The following APBA1 variants were observed in gnomAD, a reference collection of about 807,000 sequenced individuals.
APBA1 encodes amyloid beta precursor protein binding family A member 1.
Under a neutral mutation model 86.6 loss-of-function variants are expected in APBA1, and 55 were observed. The observed-to-expected ratio is 0.64, with a 90% CI of 0.51 to 0.80. The LOEUF is 0.80. Among genes scored for constraint, APBA1 ranks in the 30% least tolerant of loss-of-function variants. The probability of loss-of-function intolerance (pLI) is 0.00; values close to 1 mark genes in which losing one functional copy is unlikely to be tolerated. For missense variants in APBA1, 1,090 were observed against 1,183.0 expected (o/e 0.92, Z 1.15); for synonymous variants, 511 against 493.9 (o/e 1.03, Z -0.46).
In APBA1 at chr9:69,516,270, G is replaced by A; in HGVS notation, c.941C>T (p.Pro314Leu). The A allele has an allele frequency of 6.9e-7, 1 of 1,446,706 alleles. No homozygotes were observed. The highest frequency in any genetic ancestry group is 1.4e-5 in the South Asian group (1 of 71,490). The allele number at this position is 1,446,706 out of a possible 1,614,324, so 89.6% of individuals were successfully genotyped here. Residue 314 changes from proline (P) to leucine (L), a missense_variant, in exon 2 of 13, where the codon CCC becomes CTC. Around this residue, in one of 6 missense-constraint regions of APBA1, gnomAD observed 678 missense variants for 647.1 expected, o/e 1.05. Transcript: ENST00000265381. This position sits in a 1 kb window ranked among gnomAD's most constrained non-coding sequence, Gnocchi z 7.3. The part of the protein sequence containing the change: ...PTPAGGRPDS[P>L]GLQAPAGQQR... ...CTGCCCCGCCGGCGCCTGCAGCCCG[G>A]GGCTGTCGGGGCGACCCCCGGCCGG... is the stretch of plus-strand genomic sequence containing the variant.
chr9:69,570,245 G>T (rs1837094810), intron 1 of APBA1, among the ~76,000 whole-genome samples: 1 of 152,212 alleles, frequency 6.6e-6, no homozygotes, highest in Admixed American at 6.5e-5. Context: ...GTGATGACAT[G>T]CATGAGAGTG....
chr9:69,609,823 G>C (rs1822548558), intron 1 of APBA1, among the ~76,000 whole-genome samples: 2 of 152,080 alleles, frequency 1.3e-5, no homozygotes, highest in South Asian at 4.2e-4. Flanking sequence ...GTTTGAGACA[G>C]GGTCTCCCTC....
intron 1 of APBA1, among the ~76,000 whole-genome samples, chr9:69,567,171 A>G (rs372634640): frequency 1.3e-4 from 20 of 152,316 alleles, no homozygotes; most frequent in African/African-American, 4.8e-4. Flanking sequence ...GAGCACAGAG[A>G]AGCGATCAAT....
chr9:69,644,719 C>T (rs1564101202), intron 1 of APBA1, among the ~76,000 whole-genome samples: 1 of 152,164 alleles, frequency 6.6e-6, no homozygotes. Flanking sequence ...CTGTGGAAAA[C>T]TGTGAACTCA....
intron 10 of APBA1, among the ~76,000 whole-genome samples, chr9:69,443,641 C>G (rs1200375666): frequency 6.6e-6 from 1 of 152,140 alleles, no homozygotes; most frequent in Non-Finnish European, 1.5e-5. Context: ...TGGCATTAAC[C>G]TGGAAAGGAC....
intron 5 of APBA1, among the ~76,000 whole-genome samples, chr9:69,460,207 G>C (rs1267246167): frequency 2.0e-5 from 3 of 152,090 alleles, no homozygotes; most frequent in African/African-American, 7.2e-5. Flanking sequence ...GGGAAACCAG[G>C]GCAACCACAC....
At chr9:69,563,215 C>A (rs774265570) in intron 1 of APBA1, among the ~76,000 whole-genome samples, 9 of 152,104 alleles carry the variant, frequency 5.9e-5, no homozygotes, top group Non-Finnish European at 8.8e-5. Context: ...TTTGGCTATA[C>A]CATTATTAAT....
chr9:69,489,414 G>A (rs1019160460), intron 2 of APBA1, among the ~76,000 whole-genome samples: 2 of 152,056 alleles, frequency 1.3e-5, no homozygotes, highest in African/African-American at 4.8e-5. Context: ...GCTGAAAACT[G>A]GCTAGCCATA....
chr9:69,607,464 G>A (rs1045853349), intron 1 of APBA1, among the ~76,000 whole-genome samples: 6 of 151,992 alleles, frequency 3.9e-5, no homozygotes, highest in Admixed American at 2.0e-4. Context: ...AGATTTGGGC[G>A]GGGACACAGA....
At chr9:69,549,545 A>C (rs1836752192) in intron 1 of APBA1, among the ~76,000 whole-genome samples, 1 of 152,142 alleles carries the variant, frequency 6.6e-6, no homozygotes, top group African/African-American at 2.4e-5. Flanking sequence ...ATGGCCCATG[A>C]ATTTTAACTC....
In APBA1 at chr9:69,440,196, G is replaced by A. The variant is rs149519787; in HGVS notation, c.2301+800C>T. 3.2e-3 allele frequency among the ~76,000 whole-genome samples: 488 copies of A among 152,286 alleles called. 2 individuals are homozygous for A. The highest frequency in any genetic ancestry group is 0.011 in the African/African-American group (461 of 41,544). On this transcript the variant is annotated intron_variant, in intron 11 of 12. Transcript: ENST00000265381. ...TGTGAGGTGTCAGTCTGCTCCTACT[G>A]GGGGGTGCCTCCCAGTTAGGCTACT...
intron 1 of APBA1, among the ~76,000 whole-genome samples, chr9:69,651,209 C>A (rs911563314): frequency 3.9e-5 from 6 of 152,196 alleles, no homozygotes; most frequent in Admixed American, 3.3e-4. Context: ...TAAGAATCAT[C>A]AAAAATGATC....
chr9:69,503,346 C>T (rs900559065), intron 2 of APBA1, among the ~76,000 whole-genome samples: 4 of 152,062 alleles, frequency 2.6e-5, no homozygotes, highest in Admixed American at 1.3e-4. Context: ...GCCATGGTCC[C>T]GCTCTTCTAA....
At chr9:69,444,310 G>A (rs1834873040) in intron 10 of APBA1, among the ~76,000 whole-genome samples, 1 of 152,226 alleles carries the variant, frequency 6.6e-6, no homozygotes, top group African/African-American at 2.4e-5. Flanking sequence ...GAACATCTGT[G>A]AAGGATCCAG....
chr9:69,658,490 C>T (rs1313457376), intron 1 of APBA1, among the ~76,000 whole-genome samples: 1 of 151,304 alleles, frequency 6.6e-6, no homozygotes, highest in Admixed American at 6.6e-5. Context: ...GCAACCTCCA[C>T]CTCCTGGGTT....
chr9:69,519,023 C>T lies in APBA1; in HGVS notation c.-69-1744G>A, dbSNP rs550993906. ...GAGATGAACAATCTTTATTGCTTCG[C>T]TACTTGACATAAGTCCCACTTGATA... On this transcript the variant is annotated intron_variant, in intron 1 of 12. Coordinates refer to ENST00000265381, the MANE Select transcript of APBA1 (RefSeq NM_001163.4). Among the ~76,000 whole-genome samples, 25 of 152,342 alleles carry T rather than the reference C, an allele frequency of 1.6e-4. 1 individual carries two copies. Among genetic ancestry groups the T allele is most frequent in the Non-Finnish European group, 3.1e-4 (21 of 68,032 alleles).
At chr9:69,575,080 C>T (rs932852175) in intron 1 of APBA1, among the ~76,000 whole-genome samples, 2 of 152,010 alleles carry the variant, frequency 1.3e-5, no homozygotes, top group Non-Finnish European at 2.9e-5. Flanking sequence ...CCTCTCCTGG[C>T]TAATTTTTGT....
intron 1 of APBA1, among the ~76,000 whole-genome samples, chr9:69,606,435 T>G (rs560164905): frequency 1.7e-4 from 25 of 143,642 alleles, no homozygotes; most frequent in African/African-American, 6.0e-4. Flanking sequence ...AAACTGATGC[T>G]CAGAGAAGTT....
At chr9:69,657,644 C>T (rs1823638219) in intron 1 of APBA1, among the ~76,000 whole-genome samples, 1 of 152,122 alleles carries the variant, frequency 6.6e-6, no homozygotes, top group Admixed American at 6.5e-5. Flanking sequence ...GGCTAATTAC[C>T]AACTATTAAG....
Sources: allele counts gnomAD v4.1 joint callset (sites outside exome capture counted in the v4.1 genomes callset), GRCh38; gene constraint gnomAD v4.1.1; regional missense constraint gnomAD v4.1.1; non-coding constraint Gnocchi (gnomAD v3.1); transcripts MANE v1.5; gene names NCBI Gene and HGNC (gene_info 2026-07-23, HGNC 2026-07-21).